Variants in NAALADL2 observed in about 807,000 individuals in gnomAD.
NAALADL2 encodes N-acetylated alpha-linked acidic dipeptidase like 2.
A neutral mutation model predicts 87.2 loss-of-function variants in NAALADL2; 76 were observed. The ratio of observed to expected loss-of-function variants is 0.87; its 90% CI spans 0.72 to 1.05. The LOEUF is 1.05. NAALADL2 is among the 50% of genes least tolerant of loss of function. NAALADL2 has a pLI of 0.00. For synonymous variants in NAALADL2, 354 were observed against 331.0 expected (o/e 1.07, Z -0.75); for missense variants, 1,089 against 945.8 (o/e 1.15, Z -1.99).
intron 2 of NAALADL2, among the ~76,000 whole-genome samples, chr3:174,701,202 A>C (rs1340185697): frequency 6.6e-6 from 1 of 150,848 alleles, no homozygotes; most frequent in Non-Finnish European, 1.5e-5. Context: ...TATAATTATA[A>C]TATTTCAAAA....
chr3:175,163,648 A>G lies in NAALADL2; in HGVS notation c.545+66357A>G, dbSNP rs949554575. 6.6e-5 allele frequency among the ~76,000 whole-genome samples: 10 copies of G among 152,140 alleles called. No individual in the cohort carries two copies. The South Asian group carries it at 2.1e-3, about 31-fold the overall frequency. On this transcript the variant is annotated intron_variant, in intron 2 of 13. Coordinates refer to ENST00000454872, the MANE Select transcript of NAALADL2 (RefSeq NM_207015.3). The stretch of plus-strand genomic sequence containing the variant: ...CTATTCATACATGACTAGTATAAAA[A>G]GACCCATCGGTCTATAGTCCTAATA...
At chr3:175,492,412 T>C (rs1180093347) in intron 9 of NAALADL2, among the ~76,000 whole-genome samples, 5 of 152,140 alleles carry the variant, frequency 3.3e-5, no homozygotes, top group African/African-American at 4.8e-5. Context: ...TAAAGTATCT[T>C]AGAAAGAAAG....
chr3:175,667,229 A>AAG (rs747598741), intron 11 of NAALADL2, among the ~76,000 whole-genome samples: 7 of 117,154 alleles, frequency 6.0e-5, no homozygotes, highest in African/African-American at 1.9e-4. Context: ...GAAAGAAAGA[A>AAG]AGAAAGAAAG....
At chr3:175,140,607 G>T (rs1729848499) in intron 2 of NAALADL2, among the ~76,000 whole-genome samples, 2 of 152,072 alleles carry the variant, frequency 1.3e-5, no homozygotes, top group Non-Finnish European at 2.9e-5. Context: ...CATACCATGG[G>T]GGGAGGTGCA....
chr3:175,110,802 A>G (rs916245825), intron 2 of NAALADL2, among the ~76,000 whole-genome samples: 2 of 151,852 alleles, frequency 1.3e-5, no homozygotes, highest in African/African-American at 2.4e-5. Context: ...TCAAGAAAAA[A>G]TATGTGAAAA....
chr3:175,241,311 C>T (rs1256974337), intron 3 of NAALADL2, among the ~76,000 whole-genome samples: 1 of 152,144 alleles, frequency 6.6e-6, no homozygotes, highest in Non-Finnish European at 1.5e-5. Context: ...ACCTCTGCCT[C>T]CCTGCTTCAA....
chr3:175,718,655 G>T, intron 11 of NAALADL2: 1 of 1,580,286 alleles, frequency 6.3e-7, no homozygotes, highest in African/African-American at 1.3e-5. Context: ...TCCCGAGCCC[G>T]TGGTGGCTGC....
chr3:175,013,176 ATT>A, intron 1 of NAALADL2, among the ~76,000 whole-genome samples: 1 of 129,934 alleles, frequency 7.7e-6, no homozygotes, highest in Admixed American at 8.5e-5. Context: ...TGTAATACAT[ATT>A]TATATATAAA....
chr3:175,011,324 A>C (rs1269523346), intron 1 of NAALADL2, among the ~76,000 whole-genome samples: 1 of 143,592 alleles, frequency 7.0e-6, no homozygotes, highest in Non-Finnish European at 1.5e-5. Context: ...GAGAGAGACT[A>C]ATTCTGATTA....
chr3:175,154,419 G>T (rs1732000492), intron 2 of NAALADL2, among the ~76,000 whole-genome samples: 1 of 152,144 alleles, frequency 6.6e-6, no homozygotes, highest in South Asian at 2.1e-4. Context: ...CAGATTATCT[G>T]TCACCTACTT....
At chr3:175,015,669 G>A (rs960574398) in intron 1 of NAALADL2, among the ~76,000 whole-genome samples, 3 of 152,012 alleles carry the variant, frequency 2.0e-5, no homozygotes, top group African/African-American at 7.2e-5. Context: ...TTTCACAGCA[G>A]CAGTTAAAAG....
chr3:174,447,288 C>G (rs1258581688), intron 1 of NAALADL2, among the ~76,000 whole-genome samples: 3 of 152,108 alleles, frequency 2.0e-5, no homozygotes, highest in Non-Finnish European at 4.4e-5. Context: ...ATAGGCCAGT[C>G]TGAATGATTT....
chr3:174,614,050 A>T (rs34963627), intron 2 of NAALADL2, among the ~76,000 whole-genome samples: 20,913 of 152,154 alleles, frequency 0.14, 1,911 homozygotes, highest in East Asian at 0.46. Flanking sequence ...CAGAGCTAGT[A>T]TCTAAAATAG....
At chr3:174,809,315 A>G (rs2109286677) in intron 3 of NAALADL2, among the ~76,000 whole-genome samples, 1 of 152,300 alleles carries the variant, frequency 6.6e-6, no homozygotes, top group African/African-American at 2.4e-5. Flanking sequence ...CTTTTACTGA[A>G]AGGAACCACG....
At chr3:175,588,047 GT>G (rs1320638654) in intron 10 of NAALADL2, among the ~76,000 whole-genome samples, 1 of 149,488 alleles carries the variant, frequency 6.7e-6, no homozygotes, top group African/African-American at 2.5e-5. Context: ...TGTGGACTCT[GT>G]ACACATCTAT....
chr3:174,767,834 G>T (rs976193254), intron 3 of NAALADL2, among the ~76,000 whole-genome samples: 1 of 152,192 alleles, frequency 6.6e-6, no homozygotes, highest in Non-Finnish European at 1.5e-5. Context: ...CTCATAGAGA[G>T]TTGAATGAAT....
At chr3:175,399,116 GAA>G (rs917047304) in intron 5 of NAALADL2, among the ~76,000 whole-genome samples, 2 of 151,852 alleles carry the variant, frequency 1.3e-5, no homozygotes, top group Non-Finnish European at 2.9e-5. Context: ...AAGTTAAAAA[GAA>G]AAAGATCATG....
At chr3:174,741,661 G>A (rs977273079) in intron 3 of NAALADL2, among the ~76,000 whole-genome samples, 1 of 151,530 alleles carries the variant, frequency 6.6e-6, no homozygotes, top group Non-Finnish European at 1.5e-5. Context: ...TTTTAAAGGG[G>A]AAAAACTCCA....
chr3:175,685,231 T>G lies in NAALADL2; in HGVS notation c.1897-52075T>G, dbSNP rs561967280. Among the ~76,000 whole-genome samples, 3 of 152,266 alleles carry G rather than the reference T, an allele frequency of 2.0e-5. No homozygotes were observed. The South Asian group carries it at 6.2e-4, about 32-fold the overall frequency. The stretch of plus-strand genomic sequence containing the variant: ...ACCCTTTAGGCTTTGCCCACCTCCA[T>G]CTATGCAGGTCTTAGCCATGCCCAT... On this transcript the variant is annotated intron_variant, in intron 11 of 13. Coordinates refer to ENST00000454872, the MANE Select transcript of NAALADL2 (RefSeq NM_207015.3).
Sources: allele counts gnomAD v4.1 joint callset (sites outside exome capture counted in the v4.1 genomes callset), GRCh38; gene constraint gnomAD v4.1.1; transcripts MANE v1.5; gene names NCBI Gene and HGNC (gene_info 2026-07-23, HGNC 2026-07-21).